The following UGGT2 variants were observed in gnomAD, a reference collection of about 807,000 sequenced individuals.
The protein encoded by UGGT2 is UDP-glucose glycoprotein glucosyltransferase 2.
In UGGT2, 180 loss-of-function variants were observed where a neutral mutation model predicts 192.1. That is an observed-to-expected ratio of 0.94 (90% CI 0.83 to 1.06). The LOEUF (loss-of-function observed/expected upper bound fraction) is 1.06, where lower values mean the gene tolerates loss of function less well. UGGT2 is among the 50% of genes least tolerant of loss of function. The pLI, the probability that UGGT2 is intolerant of heterozygous loss-of-function variation, is 0.00. For synonymous variants in UGGT2, 580 were observed against 591.0 expected (o/e 0.98, Z 0.27); for missense variants, 1,849 against 1,795.7 (o/e 1.03, Z -0.54).
chr13:95,912,797 A>T (rs1467353973), intron 20 of UGGT2, among the ~76,000 whole-genome samples: 2 of 152,202 alleles, frequency 1.3e-5, no homozygotes, highest in African/African-American at 4.8e-5. Context: ...CTAAGCCAAA[A>T]GAACAAAGCT....
intron 3 of UGGT2, 23 bp from the exon 4 acceptor site, chr13:96,023,175 T>G (rs1566834944): frequency 2.0e-6 from 3 of 1,537,922 alleles, no homozygotes; most frequent in Non-Finnish European, 1.8e-6. Context: ...AGATTATATT[T>G]AGCTACAGCA....
At chr13:95,910,452 A>C (rs1174553123) in intron 20 of UGGT2, among the ~76,000 whole-genome samples, 1 of 152,184 alleles carries the variant, frequency 6.6e-6, no homozygotes, top group Non-Finnish European at 1.5e-5. Flanking sequence ...GTCTCTGATA[A>C]AACAGACTTT....
chr13:95,897,787 T>C (rs2047989108), intron 22 of UGGT2, among the ~76,000 whole-genome samples: 1 of 152,178 alleles, frequency 6.6e-6, no homozygotes, highest in African/African-American at 2.4e-5. Flanking sequence ...ATAATTGAAA[T>C]TACATTTTTC....
intron 5 of UGGT2, among the ~76,000 whole-genome samples, chr13:96,003,815 T>C (rs1446442412): frequency 1.3e-5 from 2 of 152,126 alleles, no homozygotes; most frequent in Non-Finnish European, 2.9e-5. Flanking sequence ...GCCCCGACTG[T>C]CAACCCACAG....
chr13:95,880,104 A>G (rs1219059854), intron 27 of UGGT2, among the ~76,000 whole-genome samples: 2 of 152,188 alleles, frequency 1.3e-5, no homozygotes, highest in African/African-American at 2.4e-5. Context: ...TCCATGGAAC[A>G]TATTAATTTT....
At position 95,925,682 on chromosome 13, in the gene UGGT2, T is replaced by C. The variant is rs2048994505; in HGVS notation, c.2293A>G (p.Met765Val). 8 of 1,535,656 alleles carry C rather than the reference T, an allele frequency of 5.2e-6. No homozygotes were observed. Among genetic ancestry groups the C allele is most frequent in the Admixed American group, 1.9e-5 (1 of 53,232 alleles). ...AGTAAGAATATCTAGGTACTCACCA[T>C]GTGCTTTAATGCATTAAAAAGAAGT... ...RKLLFNALKH[M>V]KTSVHSRLGI... The change falls in exon 20 of 39, where the codon ATG becomes GTG. Residue 765 changes from methionine (M) to valine (V), a missense_variant and splice_region_variant. Transcript: ENST00000376747.
chr13:95,905,600 T>C (rs529739667), intron 20 of UGGT2, among the ~76,000 whole-genome samples: 14 of 152,040 alleles, frequency 9.2e-5, no homozygotes, highest in African/African-American at 2.7e-4. Flanking sequence ...AAAGATCAGA[T>C]AGTTGTAGAT....
Position 95,854,490 on chromosome 13 carries a change from T to A in UGGT2, c.4009-15A>T. ...TGTCTCACAATCTAAATAATTAAAA[T>A]AGACTGTCTGATAAAGACTGTAAAA... On this transcript the variant is annotated splice_polypyrimidine_tract_variant and intron_variant, in intron 34 of 38. Transcript: ENST00000376747. The A allele has an allele frequency of 6.3e-7, 1 of 1,590,008 alleles. No homozygotes were observed.
intron 5 of UGGT2, among the ~76,000 whole-genome samples, chr13:96,008,123 T>C (rs2052038808): frequency 6.6e-6 from 1 of 152,202 alleles, no homozygotes; most frequent in Admixed American, 6.5e-5. Context: ...GACATTGGTC[T>C]GGGCAAAAAT....
At chr13:95,842,684 C>T (rs752430026) in intron 36 of UGGT2, among the ~76,000 whole-genome samples, 4 of 152,222 alleles carry the variant, frequency 2.6e-5, no homozygotes, top group Non-Finnish European at 4.4e-5. Context: ...GGCATCCTCT[C>T]TTTCTCTGAT....
chr13:95,895,524 A>G (rs1486905658), intron 22 of UGGT2, among the ~76,000 whole-genome samples: 4 of 151,990 alleles, frequency 2.6e-5, no homozygotes, highest in Non-Finnish European at 5.9e-5. Flanking sequence ...CACCAAAATC[A>G]AAGTGACAAT....
At chr13:96,040,661 A>G (rs1427936570) in intron 1 of UGGT2, among the ~76,000 whole-genome samples, 2 of 152,202 alleles carry the variant, frequency 1.3e-5, no homozygotes, top group Non-Finnish European at 2.9e-5. Context: ...TACTATAAGT[A>G]AAAAATGCAT....
chr13:96,053,209 A>G lies in UGGT2; in HGVS notation c.104T>C (p.Val35Ala). 1.3e-6 allele frequency: 2 copies of G among 1,533,638 alleles called. No individual in the cohort carries two copies. Among genetic ancestry groups the G allele is most frequent in the Non-Finnish European group, 1.7e-6 (2 of 1,146,632 alleles). ...GSGTVAASKSVTAHLAAKWPE... is the reference protein window; with the variant it reads ...GSGTVAASKSATAHLAAKWPE... ...CCACTTCGCGGCCAAGTGGGCAGTC[A>G]CCGACTTGGACGCGGCGACCGTCCC... Residue 35 changes from valine to alanine, a missense_variant, in exon 1 of 39, where the codon GTG becomes GCG. Physicochemically the swap from Val to Ala is moderately conservative, Grantham distance 64. Transcript: ENST00000376747.
At chr13:95,911,850 A>G (rs139972488) in intron 20 of UGGT2, among the ~76,000 whole-genome samples, 18,928 of 152,232 alleles carry the variant, frequency 0.12, 1,283 homozygotes, top group Middle Eastern at 0.21. Flanking sequence ...AAATACTGGC[A>G]AACCAAATCC....
chr13:96,024,878 AT>A (rs2052617847), intron 2 of UGGT2, among the ~76,000 whole-genome samples: 1 of 152,158 alleles, frequency 6.6e-6, no homozygotes, highest in Admixed American at 6.5e-5. Context: ...GGAAGCAGAC[AT>A]TTTGGGGTTG....
intron 1 of UGGT2, among the ~76,000 whole-genome samples, chr13:96,036,372 G>T (rs1232343325): frequency 1.3e-5 from 2 of 152,098 alleles, no homozygotes; most frequent in Non-Finnish European, 2.9e-5. Flanking sequence ...ATGGACACAT[G>T]GGGGTAACGA....
rs1336037540 is a variant in UGGT2 at position 96,014,392 on chromosome 13, C to T, written c.486-911G>A. On this transcript the variant is annotated intron_variant, in intron 4 of 38. Coordinates refer to ENST00000376747, the MANE Select transcript of UGGT2 (RefSeq NM_020121.4). ...AAAGAAGGTGGGTTTTGAGATCAGG[C>T]AGAATTGGATTCAATTCTAGCTTAA... Among the ~76,000 whole-genome samples the T allele has an allele frequency of 3.3e-5, 5 of 152,312 alleles. No individual in the cohort carries two copies. In the East Asian group the frequency reaches 5.8e-4, roughly 18 times the overall value.
At chr13:95,918,377 G>C (rs2140385929) in intron 20 of UGGT2, among the ~76,000 whole-genome samples, 1 of 152,224 alleles carries the variant, frequency 6.6e-6, no homozygotes, top group Admixed American at 6.5e-5. Context: ...TGCAACTAAA[G>C]CAGTGTTAAT....
rs1436783425 is a variant in UGGT2 at position 95,897,680 on chromosome 13, CAG to C, written c.2635-2378_2635-2377del. On this transcript the variant is annotated intron_variant, in intron 22 of 38. Transcript: ENST00000376747. ...TTATTATGCTTAACAGCATTACTTT[CAG>C]AGTGATAAGCTAAGTATTACATTAT... is the stretch of plus-strand genomic sequence containing the variant. Among the ~76,000 whole-genome samples, 10 of 152,286 alleles carry C rather than the reference CAG, an allele frequency of 6.6e-5. No homozygotes were observed. In the East Asian group the frequency reaches 1.5e-3, roughly 24 times the overall value.
Sources: gnomAD v4.1 joint callset for allele counts (sites outside exome capture counted in the v4.1 genomes callset) on GRCh38, gnomAD v4.1.1 for gene constraint, MANE v1.5 for transcripts, NCBI Gene and HGNC (gene_info 2026-07-23, HGNC 2026-07-21) for gene names.